The following SLC24A2 variants were observed in gnomAD, a reference collection of about 807,000 sequenced individuals.
SLC24A2 encodes sodium/potassium/calcium exchanger 2.
SLC24A2 carries 36 observed loss-of-function variants against 62.0 expected under a neutral mutation model. That is an observed-to-expected ratio of 0.58 (90% CI 0.44 to 0.77). SLC24A2 has a LOEUF of 0.77. SLC24A2 is among the 30% of genes least tolerant of loss of function. SLC24A2 has a pLI of 0.00. For missense variants in SLC24A2, 846 were observed against 817.9 expected (o/e 1.03, Z -0.42); for synonymous variants, 358 against 294.0 (o/e 1.22, Z -2.23).
At chr9:19,756,332 A>G (rs981527179) in intron 2 of SLC24A2, among the ~76,000 whole-genome samples, 1 of 152,232 alleles carries the variant, frequency 6.6e-6, no homozygotes, top group African/African-American at 2.4e-5. Flanking sequence ...AAATGGCAAG[A>G]AAGAAAATAA....
chr9:19,668,297 T>C (rs773835967), intron 2 of SLC24A2, among the ~76,000 whole-genome samples: 39 of 152,166 alleles, frequency 2.6e-4, no homozygotes, highest in Non-Finnish European at 5.1e-4. Context: ...ATGGAAGTCA[T>C]TCCCAATATC....
At chr9:19,760,693 A>C (rs934666209) in intron 2 of SLC24A2, among the ~76,000 whole-genome samples, 1 of 152,070 alleles carries the variant, frequency 6.6e-6, no homozygotes, top group Non-Finnish European at 1.5e-5. Flanking sequence ...AAAGGACATT[A>C]AGTCAGTCTT....
intron 4 of SLC24A2, among the ~76,000 whole-genome samples, chr9:19,607,169 A>T (rs1837006765): frequency 6.6e-6 from 1 of 152,134 alleles, no homozygotes; most frequent in South Asian, 2.1e-4. Context: ...ATAACAATAC[A>T]CATTTCGAAT....
chr9:20,212,675 T>C, the SLC24A2 span, among the ~76,000 whole-genome samples: 14 of 151,282 alleles, frequency 9.3e-5, no homozygotes, highest in African/African-American at 3.4e-4. Flanking sequence ...AAGATAACAA[T>C]AAGTATGAGT....
chr9:19,520,110 A>AAG (rs1833118711), intron 10 of SLC24A2, among the ~76,000 whole-genome samples: 2 of 152,220 alleles, frequency 1.3e-5, no homozygotes, highest in African/African-American at 4.8e-5. Context: ...ACAGAACAAT[A>AAG]TTTAAGATAT....
the SLC24A2 span, among the ~76,000 whole-genome samples, chr9:19,992,865 C>T: frequency 7.2e-5 from 11 of 152,136 alleles, no homozygotes; most frequent in Non-Finnish European, 1.5e-4. Flanking sequence ...TCCTGGGAAC[C>T]GCAGGACAAT....
At chr9:20,296,877 C>T in the SLC24A2 span, among the ~76,000 whole-genome samples, 4 of 152,104 alleles carry the variant, frequency 2.6e-5, no homozygotes, top group African/African-American at 9.7e-5. Context: ...ACTGTTTATG[C>T]TTGCAAAAAT....
At chr9:20,139,743 G>T in the SLC24A2 span, among the ~76,000 whole-genome samples, 1 of 152,164 alleles carries the variant, frequency 6.6e-6, no homozygotes, top group South Asian at 2.1e-4. Flanking sequence ...GCCCCTATCT[G>T]CCTCCTGTCT....
the SLC24A2 span, among the ~76,000 whole-genome samples, chr9:20,124,517 C>A: frequency 1.3e-5 from 2 of 152,134 alleles, no homozygotes; most frequent in Non-Finnish European, 2.9e-5. Context: ...GATGACTTTT[C>A]TTCAGATGCC....
At chr9:20,298,281 G>C in the SLC24A2 span, among the ~76,000 whole-genome samples, 1 of 152,222 alleles carries the variant, frequency 6.6e-6, no homozygotes, top group Non-Finnish European at 1.5e-5. Flanking sequence ...CCAGGCTGGA[G>C]TGCAGCAGAG....
the SLC24A2 span, among the ~76,000 whole-genome samples, chr9:19,988,922 G>A: frequency 9.2e-3 from 1,393 of 152,226 alleles, 31 homozygotes; most frequent in African/African-American, 0.032. Context: ...CTTGTGCCAC[G>A]CAAAGATGCT....
chr9:19,685,043 T>C (rs1488753005), intron 2 of SLC24A2, among the ~76,000 whole-genome samples: 1 of 152,066 alleles, frequency 6.6e-6, no homozygotes, highest in Non-Finnish European at 1.5e-5. Flanking sequence ...AGCATTTCTG[T>C]ATAAGTACTG....
At chr9:19,901,511 G>C in the SLC24A2 span, among the ~76,000 whole-genome samples, 1 of 152,188 alleles carries the variant, frequency 6.6e-6, no homozygotes, top group Non-Finnish European at 1.5e-5. Flanking sequence ...TGGGGCAGGA[G>C]CTTTATGATG....
chr9:19,949,325 A>G, the SLC24A2 span, among the ~76,000 whole-genome samples: 2 of 152,174 alleles, frequency 1.3e-5, no homozygotes, highest in African/African-American at 4.8e-5. Context: ...TCTTTGGAGG[A>G]ATCAAATTAA....
the SLC24A2 span, among the ~76,000 whole-genome samples, chr9:20,052,474 C>G: frequency 6.6e-6 from 1 of 152,194 alleles, no homozygotes; most frequent in Non-Finnish European, 1.5e-5. Context: ...AAACTGTATT[C>G]TTTGAAGGTT....
At chr9:19,904,824 T>A in the SLC24A2 span, among the ~76,000 whole-genome samples, 1 of 152,168 alleles carries the variant, frequency 6.6e-6, no homozygotes, top group African/African-American at 2.4e-5. Flanking sequence ...AAAGCTGAAC[T>A]TTTTTGCTTT....
chr9:20,304,131 C>T, the SLC24A2 span, among the ~76,000 whole-genome samples: 1 of 152,206 alleles, frequency 6.6e-6, no homozygotes, highest in East Asian at 1.9e-4. Context: ...AGTTTCCACT[C>T]TGAAAACCTG....
the SLC24A2 span, among the ~76,000 whole-genome samples, chr9:20,181,341 G>A: frequency 1.3e-5 from 2 of 152,014 alleles, no homozygotes. Flanking sequence ...CTGTCATCCT[G>A]CTCTGGCGGA....
In SLC24A2 at chr9:19,664,288, G is replaced by T. The variant is rs148198380; in HGVS notation, c.931-41989C>A. Among the ~76,000 whole-genome samples, 455 of 152,242 alleles carry T rather than the reference G, an allele frequency of 3.0e-3. 5 individuals carry two copies. Among genetic ancestry groups the T allele is most frequent in the African/African-American group, 0.011 (438 of 41,544 alleles). On this transcript the variant is annotated intron_variant, in intron 2 of 10. Transcript: ENST00000341998. ...GCTTTGATGCAGGGTTTCTTTAAAT[G>T]GTAAGTTTCATTGGTGCATTTAGAA...
Sources: allele counts gnomAD v4.1 joint callset (sites outside exome capture counted in the v4.1 genomes callset), GRCh38; gene constraint gnomAD v4.1.1; transcripts MANE v1.5; gene names NCBI Gene and HGNC (gene_info 2026-07-23, HGNC 2026-07-21).